ISLR2: variants seen among roughly 807,000 people sequenced by gnomAD.
ISLR2 encodes the protein immunoglobulin superfamily containing leucine rich repeat 2, also known as immunoglobulin superfamily containing leucine-rich repeat protein 2.
ISLR2 carries 16 observed loss-of-function variants against 25.5 expected under a neutral mutation model. The observed-to-expected ratio is 0.63, with a 90% CI of 0.43 to 0.95. The LOEUF (loss-of-function observed/expected upper bound fraction) is 0.95. ISLR2 is among the 40% of genes least tolerant of loss of function. The pLI is 0.00. For missense variants in ISLR2, 883 were observed against 1,030.7 expected (o/e 0.86, Z 1.96); for synonymous variants, 508 against 486.6 (o/e 1.04, Z -0.58).
chr15:74,105,872 T>C (rs2072115737), intron 2 of ISLR2, among the ~76,000 whole-genome samples: 1 of 152,056 alleles, frequency 6.6e-6, no homozygotes, highest in East Asian at 1.9e-4. Flanking sequence ...CCCTCAAGTC[T>C]ATACAGAAAT....
In ISLR2 at chr15:74,132,967, C is replaced by A. The variant is rs751295571; in HGVS notation, c.213C>A (p.Phe71Leu). 1.9e-6 allele frequency: 3 copies of A among 1,614,008 alleles called. No individual in the cohort carries two copies. ...NKITVLRRGA[F>L]ADVTQVTSLW... is the part of the protein sequence containing the mutation. The stretch of plus-strand genomic sequence containing the variant: ...TCACTGTGCTGCGGCGCGGGGCCTT[C>A]GCCGACGTCACACAGGTCACGTCGC... The change falls in exon 3 of 3, where the codon TTC (phenylalanine) becomes TTA (leucine). Residue 71 changes from phenylalanine to leucine, a missense_variant. Coordinates refer to ENST00000453268, the MANE Select transcript of ISLR2 (RefSeq NM_020851.3). The surrounding 1 kb of genome is among the most constrained non-coding windows in gnomAD (Gnocchi z 4.3).
At position 74,116,185 on chromosome 15, in the gene ISLR2, G is replaced by T. The variant is rs575363962; in HGVS notation, n.228+12271G>T. Among the ~76,000 whole-genome samples, 7 of 152,176 alleles carry T rather than the reference G, an allele frequency of 4.6e-5. No individual in the cohort carries two copies. In the East Asian group the frequency reaches 1.4e-3, roughly 29 times the overall value. On this transcript the variant is annotated intron_variant and non_coding_transcript_variant, in intron 2 of 3. Transcript: ENST00000561975. ...GCACTCCAGCCTGGGCACATAGTGA[G>T]ACCTTGTCTCAAAATAAAACAAAGA...
At chr15:74,104,890 A>G (rs1459856909) in intron 2 of ISLR2, among the ~76,000 whole-genome samples, 1 of 130,502 alleles carries the variant, frequency 7.7e-6, no homozygotes, top group African/African-American at 3.0e-5. Flanking sequence ...CTGGCCTTAC[A>G]AAATAAAAAT....
chr15:74,119,507 T>C (rs1229256085), intron 2 of ISLR2, among the ~76,000 whole-genome samples: 1 of 152,204 alleles, frequency 6.6e-6, no homozygotes, highest in Admixed American at 6.5e-5. Flanking sequence ...CATGTACTCT[T>C]GTATCTGTTA....
At chr15:74,120,529 A>G (rs1426524768) in intron 2 of ISLR2, among the ~76,000 whole-genome samples, 1 of 151,700 alleles carries the variant, frequency 6.6e-6, no homozygotes. Flanking sequence ...CTCAAAAAAA[A>G]AAAAAAAAAA....
Position 74,133,537 on chromosome 15 carries a change from C to A in ISLR2, c.783C>A (p.Ile261=). Residue 261 remains isoleucine (I), a synonymous_variant, in exon 3 of 3, where the codon ATC becomes ATA. Coordinates refer to ENST00000453268, the MANE Select transcript of ISLR2 (RefSeq NM_020851.3). The part of the protein sequence containing the change: ...RAGLAFVLHC[I]ADGHPTPRLQ... ...GACTGGCGTTCGTGTTACACTGCAT[C>A]GCCGACGGCCACCCTACGCCTCGCC... 6.2e-7 allele frequency: 1 copy of A among 1,614,150 alleles called. No homozygotes were observed. The highest frequency in any genetic ancestry group is 8.5e-7 in the Non-Finnish European group (1 of 1,179,992).
chr15:74,133,735 A>T lies in ISLR2; in HGVS notation c.981A>T (p.Pro327=), dbSNP rs1172583750. 1.2e-6 allele frequency: 2 copies of T among 1,611,826 alleles called. No individual in the cohort carries two copies. Among genetic ancestry groups the T allele is most frequent in the Non-Finnish European group, 1.7e-6 (2 of 1,179,068 alleles). ...PTPAPAWPAP[P]ATPRFLALAN... is the part of the protein sequence containing the mutation. ...CAGCACCCGCTTGGCCGGCGCCCCC[A>T]GCCACACCGCGCTTCCTGGCCCTCG... Residue 327 remains proline, a synonymous_variant, in exon 3 of 3, where the codon CCA becomes CCT. Transcript: ENST00000453268.
Position 74,133,457 on chromosome 15 carries a change from G to T in ISLR2, c.703G>T (p.Val235Leu), listed in dbSNP as rs747591965. Reference sequence around the variant, plus strand: ...CGCCCTGCCCTGTGCACCGCCCAGCGTGCATCTGAGTGCCGAGCCACCGCT... The same window carrying T: ...CGCCCTGCCCTGTGCACCGCCCAGCTTGCATCTGAGTGCCGAGCCACCGCT... The part of the protein sequence containing the change: ...LPALPCAPPS[V>L]HLSAEPPLEA... Residue 235 changes from valine (V) to leucine (L), a missense_variant, in exon 3 of 3, where the codon GTG (valine) becomes TTG (leucine). Transcript: ENST00000453268. The T allele has an allele frequency of 1.4e-5, 23 of 1,611,658 alleles. No individual in the cohort carries two copies. In the Admixed American group the frequency reaches 3.2e-4, roughly 22 times the overall value.
downstream of ISLR2, among the ~76,000 whole-genome samples, chr15:74,139,219 G>C (rs950713647): frequency 3.0e-4 from 46 of 152,148 alleles, no homozygotes; most frequent in African/African-American, 1.1e-3. Flanking sequence ...ATGAATACGT[G>C]TTGGAGGCCA....
At chr15:74,140,374 G>A (rs1481445063), downstream of ISLR2, among the ~76,000 whole-genome samples, 1 of 152,154 alleles carries the variant, frequency 6.6e-6, no homozygotes, top group Admixed American at 6.5e-5. Flanking sequence ...TGATCTCAGG[G>A]AAATGCATTT....
chr15:74,104,625 A>G (rs1199758582), intron 2 of ISLR2, among the ~76,000 whole-genome samples: 1 of 152,194 alleles, frequency 6.6e-6, no homozygotes, highest in African/African-American at 2.4e-5. Context: ...TCTACTAAAA[A>G]TTAAAACATC....
upstream of ISLR2, among the ~76,000 whole-genome samples, chr15:74,124,485 C>G (rs1318494712): frequency 3.3e-5 from 5 of 152,124 alleles, no homozygotes; most frequent in African/African-American, 1.2e-4. Context: ...TGGCTGGGCA[C>G]AGTGGCTTAC....
chr15:74,128,263 G>C (rs930910638), upstream of ISLR2: 9 of 342,472 alleles, frequency 2.6e-5, no homozygotes, highest in African/African-American at 2.0e-4. Context: ...TCGGGCTCCA[G>C]CCCTGCCCGG....
At chr15:74,124,381 A>T (rs2072275218), upstream of ISLR2, among the ~76,000 whole-genome samples, 1 of 152,102 alleles carries the variant, frequency 6.6e-6, no homozygotes, top group Non-Finnish European at 1.5e-5. Flanking sequence ...AAACAGTCCT[A>T]TGACAATAGG....
At chr15:74,112,058 T>C (rs550187652) in intron 2 of ISLR2, among the ~76,000 whole-genome samples, 1 of 152,370 alleles carries the variant, frequency 6.6e-6, no homozygotes, top group African/African-American at 2.4e-5. Context: ...AAATTTCCTC[T>C]GAATCTATAT....
At chr15:74,137,382 G>A (rs953185378), downstream of ISLR2, among the ~76,000 whole-genome samples, 5 of 152,250 alleles carry the variant, frequency 3.3e-5, no homozygotes, top group Non-Finnish European at 5.9e-5. Context: ...TGCCCAGAGC[G>A]AGCCGGCACG....
intron 2 of ISLR2, among the ~76,000 whole-genome samples, chr15:74,113,677 A>G (rs1214070597): frequency 6.6e-6 from 1 of 152,088 alleles, no homozygotes; most frequent in Non-Finnish European, 1.5e-5. Flanking sequence ...TGTTAGGGTG[A>G]GCTGTTTTTC....
In ISLR2 at chr15:74,134,279, T is replaced by C; in HGVS notation, c.1525T>C (p.Trp509Arg). ...RVQLTPLAAR[W>R]GPGPGGAGGA... ...GCAGCTGACTCCGCTGGCTGCGCGC[T>C]GGGGCCCTGGGCCCGGCGGGGCTGG... Residue 509 changes from tryptophan (W) to arginine (R), a missense_variant, in exon 3 of 3, where the codon TGG becomes CGG. By Grantham distance (101) the Trp-to-Arg change is moderately radical. Coordinates refer to ENST00000453268, the MANE Select transcript of ISLR2 (RefSeq NM_020851.3). The C allele has an allele frequency of 6.4e-7, 1 of 1,551,914 alleles. No homozygotes were observed. Among genetic ancestry groups the C allele is most frequent in the Non-Finnish European group, 8.7e-7 (1 of 1,147,790 alleles).
At chr15:74,140,094 C>G (rs942331903), downstream of ISLR2, among the ~76,000 whole-genome samples, 14 of 152,074 alleles carry the variant, frequency 9.2e-5, no homozygotes, top group Non-Finnish European at 1.8e-4. Context: ...GCCTCCTCCC[C>G]CTAAATGTTT....
Sources: gnomAD v4.1 joint callset for allele counts (sites outside exome capture counted in the v4.1 genomes callset) on GRCh38, gnomAD v4.1.1 for gene constraint, Gnocchi (gnomAD v3.1) non-coding constraint, MANE v1.5 for transcripts, NCBI Gene and HGNC (gene_info 2026-07-23, HGNC 2026-07-21) for gene names.